ELF1: variants seen among roughly 807,000 people sequenced by gnomAD.
ELF1 encodes E74 like ETS transcription factor 1.
Under a neutral mutation model 59.9 loss-of-function variants are expected in ELF1, and 24 were observed. That is an observed-to-expected ratio of 0.40 (90% CI 0.29 to 0.56). The LOEUF (loss-of-function observed/expected upper bound fraction) is 0.56, where lower values mean the gene tolerates loss of function less well. Ranked by LOEUF, ELF1 falls within the 20% of genes least tolerant of loss-of-function variation. ELF1 has a pLI of 0.44. For synonymous variants in ELF1, 248 were observed against 266.2 expected (o/e 0.93, Z 0.67); for missense variants, 627 against 742.2 (o/e 0.84, Z 1.80).
intron 2 of ELF1, among the ~76,000 whole-genome samples, chr13:40,973,752 T>A (rs190096780): frequency 6.6e-6 from 1 of 152,230 alleles, no homozygotes; most frequent in East Asian, 1.9e-4. Flanking sequence ...AACCTCATTT[T>A]AAAAAGTGTT....
In ELF1 at chr13:40,956,112, C is replaced by T. The variant is rs1281013988; in HGVS notation, c.253+2724G>A. Among the ~76,000 whole-genome samples the T allele has an allele frequency of 4.7e-5, 7 of 148,964 alleles. No individual in the cohort carries two copies. The East Asian group carries it at 1.4e-3, about 29-fold the overall frequency. On this transcript the variant is annotated intron_variant, in intron 3 of 8. Transcript: ENST00000239882. ...TGAGAACGGGCCATGATGACAATGGCGGTTTTGTGGAATAGAAAGGGGGGA... is the reference window on the plus strand; with the variant it reads ...TGAGAACGGGCCATGATGACAATGGTGGTTTTGTGGAATAGAAAGGGGGGA...
intron 3 of ELF1, among the ~76,000 whole-genome samples, chr13:40,953,105 T>C (rs932576974): frequency 1.3e-5 from 2 of 151,704 alleles, no homozygotes; most frequent in African/African-American, 4.8e-5. Context: ...GCCTCTTGAG[T>C]AGCTGGGAAT....
At chr13:41,019,485 T>C (rs1232683747), upstream of ELF1, 1 of 677,214 alleles carries the variant, frequency 1.5e-6, no homozygotes, top group Non-Finnish European at 1.8e-6. Flanking sequence ...AGGAGCAAGA[T>C]CTACCTTGAT....
intron 1 of ELF1, among the ~76,000 whole-genome samples, chr13:41,011,108 A>C (rs1251100059): frequency 2.0e-5 from 3 of 152,250 alleles, no homozygotes; most frequent in Admixed American, 1.3e-4. Context: ...TCAGGAAGCA[A>C]GATGAAACAC....
At chr13:40,990,949 G>C (rs1368373584) in intron 1 of ELF1, among the ~76,000 whole-genome samples, 2 of 151,726 alleles carry the variant, frequency 1.3e-5, no homozygotes, top group African/African-American at 4.8e-5. Flanking sequence ...GCTAAGAGAA[G>C]CCTAAAGTTT....
intron 1 of ELF1, among the ~76,000 whole-genome samples, chr13:40,987,600 A>AG (rs55907554): frequency 0.52 from 75,005 of 143,610 alleles, 23,478 homozygotes; most frequent in Non-Finnish European, 0.68. Flanking sequence ...AAAAAAAAAA[A>AG]AAAAGAAAGA....
At chr13:40,947,124 CAAAA>C (rs538619972) in intron 5 of ELF1, among the ~76,000 whole-genome samples, 1 of 111,562 alleles carries the variant, frequency 9.0e-6, no homozygotes. Flanking sequence ...GACTCCATCT[CAAAA>C]AAAAAAAAAA....
intron 1 of ELF1, among the ~76,000 whole-genome samples, chr13:40,992,591 C>T (rs1482237295): frequency 2.6e-5 from 4 of 151,940 alleles, no homozygotes; most frequent in African/African-American, 9.7e-5. Context: ...AAAAATATTA[C>T]ATTTGGTTAT....
At chr13:41,042,083 C>T (rs1371495683) in intron 1 of ELF1, among the ~76,000 whole-genome samples, 1 of 152,098 alleles carries the variant, frequency 6.6e-6, no homozygotes, top group African/African-American at 2.4e-5. Context: ...AGTGCAGTGG[C>T]ACGATCTAAG....
At chr13:40,983,326 A>G (rs1191850901) in intron 1 of ELF1, among the ~76,000 whole-genome samples, 1 of 152,228 alleles carries the variant, frequency 6.6e-6, no homozygotes, top group Non-Finnish European at 1.5e-5. Flanking sequence ...ATAATTTTAA[A>G]GAGACAAGTC....
At chr13:41,006,650 G>A (rs752307314) in intron 1 of ELF1, among the ~76,000 whole-genome samples, 42 of 152,108 alleles carry the variant, frequency 2.8e-4, no homozygotes, top group Non-Finnish European at 5.4e-4. Context: ...GTTTTTCTCT[G>A]ATCTACAGAT....
At chr13:40,962,640 C>T (rs1871909311) in intron 2 of ELF1, among the ~76,000 whole-genome samples, 3 of 148,522 alleles carry the variant, frequency 2.0e-5, no homozygotes, top group African/African-American at 5.0e-5. Flanking sequence ...GAACCAAGGT[C>T]GCACCACTGC....
At chr13:41,034,020 C>T (rs1876274570) in intron 1 of ELF1, among the ~76,000 whole-genome samples, 1 of 151,746 alleles carries the variant, frequency 6.6e-6, no homozygotes, top group Admixed American at 6.6e-5. Flanking sequence ...ACAGAGCTGT[C>T]CACAAAAAAG....
intron 1 of ELF1, among the ~76,000 whole-genome samples, chr13:41,000,827 AC>A (rs1478878272): frequency 5.9e-5 from 9 of 151,992 alleles, no homozygotes; most frequent in African/African-American, 9.7e-5. Context: ...CTGCATAGAT[AC>A]AAAAATCTGA....
chr13:40,935,847 G>T (rs1869733045), intron 8 of ELF1, among the ~76,000 whole-genome samples: 1 of 151,688 alleles, frequency 6.6e-6, no homozygotes, highest in Non-Finnish European at 1.5e-5. Context: ...TAATTTTTTT[G>T]TATTTTTAGT....
chr13:41,030,971 G>T (rs530558895), intron 1 of ELF1, among the ~76,000 whole-genome samples: 16 of 150,548 alleles, frequency 1.1e-4, no homozygotes, highest in African/African-American at 3.9e-4. Context: ...CAGTAGCCTG[G>T]GCAACATGAT....
chr13:41,061,279 G>A (rs577272321), exon 1 of ELF1: 14 of 311,070 alleles, frequency 4.5e-5, no homozygotes, highest in Admixed American at 1.4e-4. Context: ...AGCCTAGAAG[G>A]AGGATGGAGG....
At position 40,999,596 on chromosome 13, in the gene ELF1, T is replaced by C. The variant is rs550459220; in HGVS notation, c.-228-17314A>G. On this transcript the variant is annotated intron_variant, in intron 1 of 8. Coordinates refer to ENST00000239882, the MANE Select transcript of ELF1 (RefSeq NM_172373.4). ...GGTTGCAACAATAGATGGTGGTCGA[T>C]GACTATAAAGCCCAATGCAAGTCAT... Among the ~76,000 whole-genome samples the C allele has an allele frequency of 8.5e-5, 13 of 152,312 alleles. No homozygotes were observed. In the East Asian group the frequency reaches 2.3e-3, roughly 27 times the overall value.
intron 1 of ELF1, among the ~76,000 whole-genome samples, chr13:41,000,450 G>A (rs978418093): frequency 3.1e-5 from 2 of 65,142 alleles, no homozygotes; most frequent in African/African-American, 1.2e-4. Context: ...TTGAACTCCT[G>A]ACCTTAATTG....
Sources: gnomAD v4.1 joint callset for allele counts (sites outside exome capture counted in the v4.1 genomes callset) on GRCh38, gnomAD v4.1.1 for gene constraint, MANE v1.5 for transcripts, NCBI Gene and HGNC (gene_info 2026-07-23, HGNC 2026-07-21) for gene names.